Variants in FAM76A observed in about 807,000 individuals in gnomAD.
The protein encoded by FAM76A is protein FAM76A.
Under a neutral mutation model 46.2 loss-of-function variants are expected in FAM76A, and 32 were observed. The ratio of observed to expected loss-of-function variants is 0.69; its 90% CI spans 0.52 to 0.93. The LOEUF (loss-of-function observed/expected upper bound fraction) is 0.93, where lower values mean the gene tolerates loss of function less well. Among genes scored for constraint, FAM76A ranks in the 40% least tolerant of loss-of-function variants. FAM76A has a pLI of 0.00. For synonymous variants in FAM76A, 137 were observed against 127.0 expected, an observed-to-expected ratio of 1.08 and a Z score of -0.53; for missense variants, 274 against 361.5, an observed-to-expected ratio of 0.76 and a Z score of 1.96.
chr1:27,727,745 T>G, intron 2 of FAM76A, among the ~76,000 whole-genome samples: 2 of 151,662 alleles, frequency 1.3e-5, no homozygotes, highest in East Asian at 3.8e-4. Flanking sequence ...AGATATACAA[T>G]GAAGGGTATA....
rs2088491254 is a variant in FAM76A, at chr1:27,760,815, G to A, written c.*234G>A. ...CTCGCTCTCTTTCTCTCACTATTAGGACTTTTCTTTTTCTTCTTCCTCTTC... is the reference window on the plus strand; with the variant it reads ...CTCGCTCTCTTTCTCTCACTATTAGAACTTTTCTTTTTCTTCTTCCTCTTC... On this transcript the variant is annotated 3_prime_UTR_variant, in exon 9 of 9. Coordinates refer to ENST00000373954, the MANE Select transcript of FAM76A (RefSeq NM_152660.3). 4.6e-6 allele frequency: 1 copy of A among 218,526 alleles called. No homozygotes were observed. Among genetic ancestry groups the A allele is most frequent in the African/African-American group, 2.4e-5 (1 of 42,152 alleles). The allele number at this position is 218,526 out of a possible 1,614,324, so 13.5% of individuals were successfully genotyped here. A position where few individuals can be genotyped will look rare whatever the true frequency, so the allele number is the denominator to read the frequency against.
At chr1:27,756,881 A>G (rs2088418187) in intron 7 of FAM76A, among the ~76,000 whole-genome samples, 1 of 151,888 alleles carries the variant, frequency 6.6e-6, no homozygotes, top group Non-Finnish European at 1.5e-5. Context: ...GCCATTGGTG[A>G]AACCTCATCT....
chr1:27,735,188 A>G (rs369342113), intron 4 of FAM76A, among the ~76,000 whole-genome samples: 15 of 152,202 alleles, frequency 9.9e-5, no homozygotes, highest in African/African-American at 3.4e-4. Flanking sequence ...CTAGAGTCTC[A>G]TAACTGGCTC....
chr1:27,742,690 AAAATTATAGTTG>A lies in FAM76A; in HGVS notation c.355-1948_355-1937del, dbSNP rs1416994831. ...GTACAACATGGTGATTATAGTTAATAAAATTATAGTTGAAATTATAGTTGAAAATTGTTAAGA... is the reference window on the plus strand; with the variant it reads ...GTACAACATGGTGATTATAGTTAATAAAATTATAGTTGAAAATTGTTAAGA... On this transcript the variant is annotated intron_variant, in intron 4 of 8. Transcript: ENST00000373954. 3.9e-5 allele frequency among the ~76,000 whole-genome samples: 6 copies of A among 152,318 alleles called. No individual in the cohort carries two copies. In the East Asian group the frequency reaches 9.6e-4, roughly 24 times the overall value.
At chr1:27,741,089 G>A (rs554642963) in intron 4 of FAM76A, among the ~76,000 whole-genome samples, 6 of 149,472 alleles carry the variant, frequency 4.0e-5, no homozygotes, top group African/African-American at 9.9e-5. Context: ...CCGAGATCAC[G>A]CCATTGCACT....
intron 2 of FAM76A, among the ~76,000 whole-genome samples, chr1:27,728,383 C>G (rs1272490261): frequency 1.3e-5 from 2 of 152,112 alleles, no homozygotes; most frequent in Non-Finnish European, 2.9e-5. Flanking sequence ...AACAGAGTCT[C>G]TCTCTCCCAG....
intron 4 of FAM76A, chr1:27,739,482 T>C (rs1169863858): frequency 4.9e-6 from 2 of 410,618 alleles, no homozygotes; most frequent in African/African-American, 4.2e-5. Flanking sequence ...TGATTTGTTC[T>C]AGTATAAAAA....
At chr1:27,749,799 A>T (rs1298407901) in intron 6 of FAM76A, among the ~76,000 whole-genome samples, 1 of 152,228 alleles carries the variant, frequency 6.6e-6, no homozygotes, top group African/African-American at 2.4e-5. Flanking sequence ...ATTTGTGAGG[A>T]TCCACACTTC....
chr1:27,745,456 G>T (rs1276395252), intron 5 of FAM76A, among the ~76,000 whole-genome samples: 1 of 151,780 alleles, frequency 6.6e-6, no homozygotes, highest in East Asian at 1.9e-4. Flanking sequence ...AGGTTTTTTT[G>T]TTTGTTTGTT....
Position 27,744,691 on chromosome 1 carries a change from C to G in FAM76A, c.392C>G (p.Ser131Ter). Reference sequence around the variant, plus strand: ...TTGCTGTGCTGGCTGTGCACACTTTCATACAAACGGGTCCTTCAGAAGACC... The same window carrying G: ...TTGCTGTGCTGGCTGTGCACACTTTGATACAAACGGGTCCTTCAGAAGACC... ...GKLLCWLCTLSYKRVLQKTKE... is the reference protein window; with the variant it reads ...GKLLCWLCTL The change falls in exon 5 of 9, where the codon TCA becomes TGA. Residue 131 changes from serine to a stop codon, truncating the protein, a stop_gained. Coordinates refer to ENST00000373954, the MANE Select transcript of FAM76A (RefSeq NM_152660.3). LOFTEE classifies it high-confidence loss of function. 1 of 1,614,154 alleles carries G rather than the reference C, an allele frequency of 6.2e-7. No homozygotes were observed. The highest frequency in any genetic ancestry group is 8.5e-7 in the Non-Finnish European group (1 of 1,180,004).
intron 7 of FAM76A, 140 bp downstream of exon 7, chr1:27,755,470 G>A: frequency 8.8e-7 from 1 of 1,131,900 alleles, no homozygotes; most frequent in Non-Finnish European, 1.3e-6. Flanking sequence ...GAGGCTGGCT[G>A]TCTGCCAAGA....
chr1:27,732,449 AAG>A (rs1291134989), intron 2 of FAM76A, among the ~76,000 whole-genome samples, 152 bp from the exon 3 acceptor site: 2 of 152,142 alleles, frequency 1.3e-5, no homozygotes, highest in African/African-American at 4.8e-5. Context: ...ATAAAAATAA[AAG>A]AGTTATTAGA....
At chr1:27,744,630 T>C in intron 4 of FAM76A, 24 bp from the exon 5 acceptor site, 1 of 1,612,092 alleles carries the variant, frequency 6.2e-7, no homozygotes, top group Non-Finnish European at 8.5e-7. Flanking sequence ...CCCTCTTCTT[T>C]ATCTTTGTCT....
chr1:27,734,262 A>C, intron 4 of FAM76A, 79 bp downstream of exon 4: 4 of 1,447,900 alleles, frequency 2.8e-6, no homozygotes, highest in Non-Finnish European at 1.8e-6. Flanking sequence ...AAACACATTT[A>C]ATAGGCCGGG....
At chr1:27,741,054 C>T (rs1014487945) in intron 4 of FAM76A, among the ~76,000 whole-genome samples, 1 of 151,682 alleles carries the variant, frequency 6.6e-6, no homozygotes, top group Admixed American at 6.6e-5. Flanking sequence ...ATTGCTTGAA[C>T]CTGGGAGGCG....
At chr1:27,729,529 CA>C (rs11441396) in intron 2 of FAM76A, among the ~76,000 whole-genome samples, 111 of 145,796 alleles carry the variant, frequency 7.6e-4, no homozygotes, top group Non-Finnish European at 1.2e-3. Context: ...TGTTTTCAAA[CA>C]AAAAAAAAAG....
At chr1:27,751,536 A>G (rs2088332751) in intron 6 of FAM76A, among the ~76,000 whole-genome samples, 1 of 145,388 alleles carries the variant, frequency 6.9e-6, no homozygotes, top group Non-Finnish European at 1.5e-5. Context: ...ACAGGGTCTC[A>G]CCCTGTTGCC....
At chr1:27,735,599 A>G (rs181278387) in intron 4 of FAM76A, among the ~76,000 whole-genome samples, 1 of 152,328 alleles carries the variant, frequency 6.6e-6, no homozygotes, top group East Asian at 1.9e-4. Flanking sequence ...CAACCAGGAC[A>G]TCTCTTCCCT....
intron 4 of FAM76A, among the ~76,000 whole-genome samples, chr1:27,737,228 C>T (rs908540630): frequency 6.6e-6 from 1 of 152,158 alleles, no homozygotes; most frequent in Non-Finnish European, 1.5e-5. Flanking sequence ...GGATTACAAG[C>T]ATGAGCCACC....
Sources: allele counts gnomAD v4.1 joint callset (sites outside exome capture counted in the v4.1 genomes callset), GRCh38; gene constraint gnomAD v4.1.1; transcripts MANE v1.5; gene names NCBI Gene and HGNC (gene_info 2026-07-23, HGNC 2026-07-21).